RPS6KC1: variants seen among roughly 807,000 people sequenced by gnomAD.
The protein encoded by RPS6KC1 is ribosomal protein S6 kinase C1.
In RPS6KC1, 54 loss-of-function variants were observed where a neutral mutation model predicts 103.8. The ratio of observed to expected loss-of-function variants is 0.52; its 90% CI spans 0.42 to 0.65. RPS6KC1 has a LOEUF of 0.65. RPS6KC1 is among the 30% of genes least tolerant of loss of function. RPS6KC1 has a pLI of 0.00. For synonymous variants in RPS6KC1, 439 were observed against 438.7 expected (o/e 1.00, Z -0.01); for missense variants, 1,151 against 1,253.8 (o/e 0.92, Z 1.24).
chr1:213,375,339 A>G, the RPS6KC1 span, among the ~76,000 whole-genome samples: 3 of 151,386 alleles, frequency 2.0e-5, no homozygotes, highest in Admixed American at 6.6e-5. Flanking sequence ...ACACACATAC[A>G]CACATATACA....
the RPS6KC1 span, among the ~76,000 whole-genome samples, chr1:213,779,510 ACTTCAC>A: frequency 2.2e-4 from 34 of 152,262 alleles, no homozygotes; most frequent in Admixed American, 2.2e-3. Context: ...ATGCTCAGTG[ACTTCAC>A]CTTTCCGAGA....
intron 3 of RPS6KC1, among the ~76,000 whole-genome samples, chr1:213,079,068 A>G (rs1398205277): frequency 2.0e-5 from 3 of 152,156 alleles, no homozygotes; most frequent in African/African-American, 2.4e-5. Flanking sequence ...AACAGTATAT[A>G]TATTTTTTCT....
intron 3 of RPS6KC1, among the ~76,000 whole-genome samples, chr1:213,087,522 G>A (rs2080518683): frequency 6.6e-6 from 1 of 152,192 alleles, no homozygotes; most frequent in South Asian, 2.1e-4. Flanking sequence ...GATTCTTTCA[G>A]TATTTTTTCT....
Position 213,240,790 on chromosome 1 carries a change from T to C in RPS6KC1, c.1314T>C (p.Leu438=). The C allele has an allele frequency of 6.2e-7, 1 of 1,613,880 alleles. No homozygotes were observed. Residue 438 remains leucine (L), a synonymous_variant, in exon 11 of 15, where the codon CTT becomes CTC. Transcript: ENST00000366960. ...FDIKEVKKPT[L]AKVHLQQPTS... ...TCAAGGAAGTGAAAAAACCTACACT[T>C]GCAAAAGTTCACCTGCAGCAGCCAA...
At chr1:213,496,168 A>G in the RPS6KC1 span, among the ~76,000 whole-genome samples, 1 of 152,206 alleles carries the variant, frequency 6.6e-6, no homozygotes, top group Non-Finnish European at 1.5e-5. Flanking sequence ...TTAGAAAATA[A>G]AGACCAAAAT....
the RPS6KC1 span, among the ~76,000 whole-genome samples, chr1:213,426,747 C>CT: frequency 1.3e-5 from 2 of 152,120 alleles, no homozygotes; most frequent in Non-Finnish European, 2.9e-5. Flanking sequence ...ATGAATTTTG[C>CT]TTTTGTGTAT....
At chr1:213,856,780 C>T in the RPS6KC1 span, among the ~76,000 whole-genome samples, 2 of 152,172 alleles carry the variant, frequency 1.3e-5, no homozygotes, top group Admixed American at 6.5e-5. Context: ...CCAATTCTAT[C>T]GTGTAGGCAC....
chr1:213,573,846 C>G, the RPS6KC1 span, among the ~76,000 whole-genome samples: 1 of 152,194 alleles, frequency 6.6e-6, no homozygotes, highest in Admixed American at 6.5e-5. Context: ...GCCACAAACT[C>G]TAGCTTGCAA....
the RPS6KC1 span, among the ~76,000 whole-genome samples, chr1:213,724,287 C>T: frequency 6.6e-6 from 1 of 152,156 alleles, no homozygotes; most frequent in Admixed American, 6.5e-5. Context: ...ACTATGTTGG[C>T]CAGGCTGGTC....
chr1:213,606,847 T>C, the RPS6KC1 span, among the ~76,000 whole-genome samples: 4 of 152,188 alleles, frequency 2.6e-5, no homozygotes, highest in Admixed American at 6.5e-5. Flanking sequence ...TGATAAAGGA[T>C]AAGAACTGAT....
the RPS6KC1 span, among the ~76,000 whole-genome samples, chr1:213,696,233 C>G: frequency 6.6e-6 from 1 of 152,100 alleles, no homozygotes; most frequent in Non-Finnish European, 1.5e-5. Flanking sequence ...GGCGTGGTGG[C>G]TCACGCCTGT....
At chr1:213,550,791 C>T in the RPS6KC1 span, among the ~76,000 whole-genome samples, 415 of 152,228 alleles carry the variant, frequency 2.7e-3, 2 homozygotes, top group African/African-American at 9.0e-3. Flanking sequence ...TCTGGGAAAC[C>T]GGAAAAAGCA....
chr1:213,115,014 C>CT (rs1172368312), intron 4 of RPS6KC1, among the ~76,000 whole-genome samples: 1 of 152,062 alleles, frequency 6.6e-6, no homozygotes, highest in Non-Finnish European at 1.5e-5. Flanking sequence ...CTAAAATTCT[C>CT]TTTTTTTGTT....
rs747262476 is a variant in RPS6KC1 at position 213,274,515 on chromosome 1, A to C, written c.*1881A>C. 2.6e-5 allele frequency: 4 copies of C among 152,060 alleles called. No individual in the cohort carries two copies. Among genetic ancestry groups the C allele is most frequent in the East Asian group, 1.9e-4 (1 of 5,192 alleles). 9.4% of individuals were successfully genotyped at this position (152,060 alleles called of 1,614,324 possible). A position where few individuals can be genotyped will look rare whatever the true frequency, so the allele number is the denominator to read the frequency against. On this transcript the variant is annotated 3_prime_UTR_variant, in exon 15 of 15. Coordinates refer to ENST00000366960, the MANE Select transcript of RPS6KC1 (RefSeq NM_012424.6). ...CTTCAGTTTCTCCCCTTTTCTCTCT[A>C]TATGTTTGGTTGGAGCTTGTGCCTA...
the RPS6KC1 span, among the ~76,000 whole-genome samples, chr1:213,626,969 G>A: frequency 7.9e-5 from 12 of 152,244 alleles, no homozygotes; most frequent in African/African-American, 1.4e-4. Flanking sequence ...GAAGAAAGTC[G>A]TAGGTAGCTT....
At chr1:213,452,120 G>A in the RPS6KC1 span, among the ~76,000 whole-genome samples, 1 of 152,134 alleles carries the variant, frequency 6.6e-6, no homozygotes, top group East Asian at 1.9e-4. Context: ...TCACACTTTT[G>A]AATCTTGTTC....
chr1:213,842,727 A>G, the RPS6KC1 span, among the ~76,000 whole-genome samples: 5 of 152,204 alleles, frequency 3.3e-5, no homozygotes, highest in Non-Finnish European at 5.9e-5. Flanking sequence ...TGTTTATCAA[A>G]TAGGTTATCT....
At chr1:213,400,065 A>G in the RPS6KC1 span, among the ~76,000 whole-genome samples, 3 of 152,136 alleles carry the variant, frequency 2.0e-5, no homozygotes, top group Non-Finnish European at 4.4e-5. Flanking sequence ...TTCATAGAAA[A>G]AAGAGGTGGG....
chr1:213,803,311 A>T, the RPS6KC1 span, among the ~76,000 whole-genome samples: 3 of 134,370 alleles, frequency 2.2e-5, no homozygotes, highest in Admixed American at 1.7e-4. Flanking sequence ...CGGTGGCATG[A>T]TCTCGGCTCA....
Sources: allele counts gnomAD v4.1 joint callset (sites outside exome capture counted in the v4.1 genomes callset), GRCh38; gene constraint gnomAD v4.1.1; transcripts MANE v1.5; gene names NCBI Gene and HGNC (gene_info 2026-07-23, HGNC 2026-07-21).